The following GALNTL6 variants were observed in gnomAD, a reference collection of about 807,000 sequenced individuals.
The protein encoded by GALNTL6 is polypeptide N-acetylgalactosaminyltransferase-like 6.
GALNTL6 carries 46 observed loss-of-function variants against 73.7 expected under a neutral mutation model. The observed-to-expected ratio is 0.62, with a 90% CI of 0.49 to 0.80. GALNTL6 has a LOEUF of 0.80. Among genes scored for constraint, GALNTL6 ranks in the 30% least tolerant of loss-of-function variants. GALNTL6 has a pLI of 0.00. For missense variants in GALNTL6, 604 were observed against 755.0 expected (o/e 0.80, Z 2.34); for synonymous variants, 259 against 263.7 (o/e 0.98, Z 0.17).
chr4:172,673,279 G>T (rs1732093327), intron 5 of GALNTL6, among the ~76,000 whole-genome samples: 1 of 152,088 alleles, frequency 6.6e-6, no homozygotes, highest in Non-Finnish European at 1.5e-5. Context: ...TAATGTGATG[G>T]TTTTGAGTGA....
chr4:173,027,073 C>T (rs1045943520), intron 12 of GALNTL6, among the ~76,000 whole-genome samples: 2 of 152,142 alleles, frequency 1.3e-5, no homozygotes, highest in African/African-American at 4.8e-5. Context: ...CAGCAATCTC[C>T]ACCTCCCGGG....
intron 5 of GALNTL6, among the ~76,000 whole-genome samples, chr4:172,403,367 A>G (rs1211233101): frequency 2.0e-5 from 3 of 152,064 alleles, no homozygotes; most frequent in Non-Finnish European, 4.4e-5. Context: ...TCAAGTAATA[A>G]ATGAGGTAGA....
chr4:172,898,761 C>T (rs1461781899), intron 8 of GALNTL6, among the ~76,000 whole-genome samples: 3 of 152,296 alleles, frequency 2.0e-5, no homozygotes, highest in Non-Finnish European at 4.4e-5. Flanking sequence ...GGGAGGAGAA[C>T]ATCCCTCATA....
At chr4:172,171,100 G>A (rs747545479) in intron 2 of GALNTL6, among the ~76,000 whole-genome samples, 18 of 152,126 alleles carry the variant, frequency 1.2e-4, no homozygotes, top group Non-Finnish European at 1.8e-4. Flanking sequence ...TAAAGGAAAC[G>A]ACAACCACAA....
At chr4:172,309,603 G>A (rs999016698) in intron 3 of GALNTL6, among the ~76,000 whole-genome samples, 2 of 151,938 alleles carry the variant, frequency 1.3e-5, no homozygotes, top group African/African-American at 4.8e-5. Flanking sequence ...GTCAATACCA[G>A]AGTAAATGCC....
intron 2 of GALNTL6, among the ~76,000 whole-genome samples, chr4:172,002,851 T>C (rs770902424): frequency 6.6e-6 from 1 of 152,086 alleles, no homozygotes; most frequent in Non-Finnish European, 1.5e-5. Flanking sequence ...AGGTGGAGAA[T>C]GGATGGTTCT....
chr4:172,139,829 G>C (rs1422915096), intron 2 of GALNTL6, among the ~76,000 whole-genome samples: 1 of 151,962 alleles, frequency 6.6e-6, no homozygotes, highest in African/African-American at 2.4e-5. Flanking sequence ...ACATTTCCAA[G>C]ACCTAATTTT....
chr4:172,652,292 A>C (rs1004077440), intron 5 of GALNTL6, among the ~76,000 whole-genome samples: 1 of 152,244 alleles, frequency 6.6e-6, no homozygotes, highest in Non-Finnish European at 1.5e-5. Flanking sequence ...AGGGTGATTT[A>C]AAAGTAAAAT....
intron 2 of GALNTL6, among the ~76,000 whole-genome samples, chr4:171,918,286 T>C (rs1560840388): frequency 6.6e-6 from 1 of 152,242 alleles, no homozygotes; most frequent in East Asian, 1.9e-4. Flanking sequence ...GTCTGACATG[T>C]ACTCTGACTT....
chr4:172,590,542 TC>T (rs1487291828), intron 5 of GALNTL6, among the ~76,000 whole-genome samples: 1 of 152,032 alleles, frequency 6.6e-6, no homozygotes, highest in Admixed American at 6.6e-5. Flanking sequence ...TAAATAAACC[TC>T]CCCCTCAATT....
At chr4:172,268,056 A>G (rs1481083120) in intron 3 of GALNTL6, among the ~76,000 whole-genome samples, 20 of 152,238 alleles carry the variant, frequency 1.3e-4, no homozygotes. Context: ...AGCAGAATCC[A>G]AATATCTGGA....
At chr4:172,211,708 C>T (rs1736327306) in intron 2 of GALNTL6, among the ~76,000 whole-genome samples, 1 of 152,122 alleles carries the variant, frequency 6.6e-6, no homozygotes, top group South Asian at 2.1e-4. Flanking sequence ...ATTTGTTTCT[C>T]ATATTCTATG....
At chr4:172,706,888 G>A (rs1344917714) in intron 5 of GALNTL6, among the ~76,000 whole-genome samples, 1 of 152,094 alleles carries the variant, frequency 6.6e-6, no homozygotes, top group Non-Finnish European at 1.5e-5. Flanking sequence ...ACAGAGTTTT[G>A]CATGCTGGCT....
At chr4:172,870,967 C>T (rs1744902059) in intron 7 of GALNTL6, among the ~76,000 whole-genome samples, 1 of 152,176 alleles carries the variant, frequency 6.6e-6, no homozygotes, top group African/African-American at 2.4e-5. Context: ...TGTGGATATT[C>T]TTACAAATGA....
intron 5 of GALNTL6, among the ~76,000 whole-genome samples, chr4:172,547,591 C>A (rs928461344): frequency 6.6e-6 from 1 of 152,094 alleles, no homozygotes; most frequent in African/African-American, 2.4e-5. Context: ...AGTAACTCAG[C>A]AACCTTTAGA....
At chr4:172,734,338 T>G (rs1333110790) in intron 5 of GALNTL6, among the ~76,000 whole-genome samples, 1 of 152,090 alleles carries the variant, frequency 6.6e-6, no homozygotes. Context: ...AGGTTCAAAA[T>G]GCTAATCACC....
At chr4:172,181,474 A>G (rs1349665942) in intron 2 of GALNTL6, among the ~76,000 whole-genome samples, 2 of 152,164 alleles carry the variant, frequency 1.3e-5, no homozygotes, top group Non-Finnish European at 2.9e-5. Context: ...ATTTATGACA[A>G]ACCCACAGCC....
At chr4:172,825,803 C>T (rs1742235212) in intron 7 of GALNTL6, among the ~76,000 whole-genome samples, 1 of 152,140 alleles carries the variant, frequency 6.6e-6, no homozygotes, top group Non-Finnish European at 1.5e-5. Flanking sequence ...TTTGCACATA[C>T]AGAAGCTAGT....
intron 5 of GALNTL6, among the ~76,000 whole-genome samples, chr4:172,524,883 T>A (rs1734901251): frequency 6.6e-6 from 1 of 152,200 alleles, no homozygotes; most frequent in African/African-American, 2.4e-5. Flanking sequence ...GGAAAATAAT[T>A]TCTATGTTAT....
Sources: allele counts gnomAD v4.1 joint callset (sites outside exome capture counted in the v4.1 genomes callset), GRCh38; gene constraint gnomAD v4.1.1; transcripts MANE v1.5; gene names NCBI Gene and HGNC (gene_info 2026-07-23, HGNC 2026-07-21).